The following SATB2 variants were observed in gnomAD, a reference collection of about 807,000 sequenced individuals.
The protein encoded by SATB2 is DNA-binding protein SATB2.
A neutral mutation model predicts 73.4 loss-of-function variants in SATB2; 1 was observed. The observed-to-expected ratio is 0.01, with a 90% confidence interval of 0.00 to 0.06. The LOEUF is 0.06. Ranked by LOEUF, SATB2 falls within the 10% of genes least tolerant of loss-of-function variation. The pLI is 1.00. For synonymous variants in SATB2, 397 were observed against 367.0 expected (o/e 1.08, Z -0.93); for missense variants, 459 against 945.8 (o/e 0.49, Z 6.75).
Position 199,271,499 on chromosome 2 carries a change from T to C in SATB2, c.*712A>G, listed in dbSNP as rs1204062897. On this transcript the variant is annotated 3_prime_UTR_variant, in exon 11 of 11. Transcript: ENST00000417098. ...TTTTTTTTTTCGGCAGTGTCGTTTA[T>C]TTTGTTAAATACATACCTCAAAAAT... 6.6e-6 allele frequency: 1 copy of C among 152,198 alleles called. No homozygotes were observed. The highest frequency in any genetic ancestry group is 1.5e-5 in the Non-Finnish European group (1 of 67,946). 9.4% of individuals were successfully genotyped at this position (152,198 alleles called of 1,614,324 possible). A position where few individuals can be genotyped will look rare whatever the true frequency, so the allele number is the denominator to read the frequency against.
At chr2:199,319,407 C>T (rs1687824241) in intron 9 of SATB2, among the ~76,000 whole-genome samples, 1 of 152,066 alleles carries the variant, frequency 6.6e-6, no homozygotes, top group African/African-American at 2.4e-5. Flanking sequence ...TCCAAAATCA[C>T]CCTTTTTCTT....
At chr2:199,289,335 C>T (rs2105739194) in intron 10 of SATB2, among the ~76,000 whole-genome samples, 1 of 152,230 alleles carries the variant, frequency 6.6e-6, no homozygotes, top group South Asian at 2.1e-4. Flanking sequence ...TCCCAGGGGT[C>T]CAAGGATGGT....
chr2:199,368,144 G>T (rs765195565), intron 6 of SATB2, among the ~76,000 whole-genome samples: 9 of 152,162 alleles, frequency 5.9e-5, no homozygotes, highest in Admixed American at 1.3e-4. Flanking sequence ...CTAGAATGTA[G>T]AAGCTAAAGA....
intron 2 of SATB2, among the ~76,000 whole-genome samples, chr2:199,434,797 C>A (rs1034014023): frequency 5.9e-5 from 9 of 152,084 alleles, no homozygotes; most frequent in Non-Finnish European, 1.3e-4. Flanking sequence ...CTAGAAGCCT[C>A]CTGACTCACT....
Position 199,349,326 on chromosome 2 carries a change from C to T in SATB2, c.701-153G>A, listed in dbSNP as rs556813422. 9.2e-5 allele frequency among the ~76,000 whole-genome samples: 14 copies of T among 152,242 alleles called. No individual in the cohort carries two copies. The South Asian group carries it at 2.9e-3, about 32-fold the overall frequency. ...GAAGCTCCAGCATAAAAGTGATATT[C>T]TTTTCTGCTAAATGTTACAATAGAT... is the stretch of plus-strand genomic sequence containing the variant. On this transcript the variant is annotated intron_variant, in intron 6 of 10. Coordinates refer to ENST00000417098, the MANE Select transcript of SATB2 (RefSeq NM_001172509.2).
chr2:199,372,792 G>T (rs1439803196), intron 5 of SATB2, among the ~76,000 whole-genome samples: 1 of 152,198 alleles, frequency 6.6e-6, no homozygotes, highest in African/African-American at 2.4e-5. Context: ...ACATGAAGCT[G>T]TGATCTCAGG....
chr2:199,346,608 G>A (rs939888628), intron 7 of SATB2, among the ~76,000 whole-genome samples: 9 of 152,040 alleles, frequency 5.9e-5, no homozygotes, highest in Non-Finnish European at 5.9e-5. Flanking sequence ...TAACAAAAAC[G>A]CTATTTATTT....
At chr2:199,359,379 T>C (rs988538658) in intron 6 of SATB2, among the ~76,000 whole-genome samples, 2 of 152,232 alleles carry the variant, frequency 1.3e-5, no homozygotes, top group African/African-American at 4.8e-5. Flanking sequence ...CCTATTCAAC[T>C]GAATTGACTA....
In SATB2 at chr2:199,455,626, C is replaced by G. The variant is rs1342821585; in HGVS notation, c.169+243G>C. Among the ~76,000 whole-genome samples the G allele has an allele frequency of 6.6e-6, 1 of 152,246 alleles. No individual in the cohort carries two copies. Among genetic ancestry groups the G allele is most frequent in the Admixed American group, 6.5e-5 (1 of 15,292 alleles). ...GCTGGCTGTGACATAAACCTGCCAA[C>G]ACCTCAGCACACAGTGGCAAAATGC... On this transcript the variant is annotated intron_variant, in intron 2 of 10. Transcript: ENST00000417098. This position sits in a 1 kb window ranked among gnomAD's most constrained non-coding sequence, Gnocchi z 4.1.
chr2:199,328,921 G>C lies in SATB2; in HGVS notation c.1174-11C>G. Reference sequence around the variant, plus strand: ...CTCAGACAACAATCCCTGATTAAATGGGGGAAAAAAACAGACCAAGTCACA... The same window carrying C: ...CTCAGACAACAATCCCTGATTAAATCGGGGAAAAAAACAGACCAAGTCACA... On this transcript the variant is annotated splice_polypyrimidine_tract_variant and intron_variant, in intron 7 of 10. Coordinates refer to ENST00000417098, the MANE Select transcript of SATB2 (RefSeq NM_001172509.2). 6.2e-7 allele frequency: 1 copy of C among 1,607,928 alleles called. No homozygotes were observed. Among genetic ancestry groups the C allele is most frequent in the Non-Finnish European group, 8.5e-7 (1 of 1,174,854 alleles).
At chr2:199,434,504 G>A (rs991105755) in intron 2 of SATB2, among the ~76,000 whole-genome samples, 49 of 152,210 alleles carry the variant, frequency 3.2e-4, no homozygotes, top group African/African-American at 1.0e-3. Flanking sequence ...CAAGGCAGAA[G>A]AAGATCAAAG....
intron 7 of SATB2, chr2:199,348,475 G>A: frequency 1.8e-6 from 1 of 551,254 alleles, no homozygotes; most frequent in African/African-American, 1.9e-5. Flanking sequence ...GTTGCATGTT[G>A]GGTTCAAAGA....
chr2:199,386,766 A>ACC (rs1559022178), intron 3 of SATB2, among the ~76,000 whole-genome samples: 8 of 138,472 alleles, frequency 5.8e-5, no homozygotes, highest in East Asian at 2.3e-4. Flanking sequence ...ACACACACAC[A>ACC]CCTTTGAGTT....
intron 3 of SATB2, chr2:199,396,067 T>C (rs1690291632): frequency 6.6e-6 from 1 of 152,226 alleles, no homozygotes; most frequent in African/African-American, 2.4e-5. Flanking sequence ...CCAGTGATTT[T>C]CAATATGGGC....
chr2:199,420,870 ATAAC>A (rs1389769391), intron 3 of SATB2, among the ~76,000 whole-genome samples: 1 of 152,202 alleles, frequency 6.6e-6, no homozygotes, highest in Non-Finnish European at 1.5e-5. Context: ...CATTGGTTTC[ATAAC>A]TAATATTTCT....
intron 6 of SATB2, among the ~76,000 whole-genome samples, chr2:199,350,194 C>T (rs1688773759): frequency 6.6e-6 from 1 of 152,054 alleles, no homozygotes; most frequent in Admixed American, 6.6e-5. Flanking sequence ...CTGGATATGA[C>T]TATGCAAAAG....
rs376557576 is a variant in SATB2, at chr2:199,308,928, C to T, written c.1572G>A (p.Lys524=). 43 of 1,614,170 alleles carry T rather than the reference C, an allele frequency of 2.7e-5. No individual in the cohort carries two copies. The African/African-American group carries it at 5.3e-4, about 20-fold the overall frequency. Residue 524 remains lysine, a synonymous_variant, in exon 10 of 11, where the codon AAG becomes AAA. Transcript: ENST00000417098. This position sits in a 1 kb window ranked among gnomAD's most constrained non-coding sequence, Gnocchi z 4.6. The part of the protein sequence containing the change: ...QGWLCELLRW[K]ENPSPENRTL... ...TGCGGTTTTCTGGGCTTGGGTTCTCCTTCCAGCGGAGCAGTTCACACAGCC... is the reference window on the plus strand; with the variant it reads ...TGCGGTTTTCTGGGCTTGGGTTCTCTTTCCAGCGGAGCAGTTCACACAGCC...
chr2:199,371,991 C>T (rs982002402), intron 5 of SATB2, among the ~76,000 whole-genome samples: 4 of 152,182 alleles, frequency 2.6e-5, no homozygotes, highest in African/African-American at 4.8e-5. Context: ...TGGGCAACTG[C>T]GGCAGTCCCC....
chr2:199,365,790 T>G (rs1395882911), intron 6 of SATB2, among the ~76,000 whole-genome samples: 2 of 152,134 alleles, frequency 1.3e-5, no homozygotes, highest in African/African-American at 2.4e-5. Flanking sequence ...ATCTGATCTT[T>G]TTTTTGTCCT....
Sources: allele counts gnomAD v4.1 joint callset (sites outside exome capture counted in the v4.1 genomes callset), GRCh38; gene constraint gnomAD v4.1.1; non-coding constraint Gnocchi (gnomAD v3.1); transcripts MANE v1.5; gene names NCBI Gene and HGNC (gene_info 2026-07-23, HGNC 2026-07-21).